The following PPEF2 variants were observed in gnomAD, a reference collection of about 807,000 sequenced individuals.
PPEF2 encodes protein phosphatase with EF-hand domain 2.
PPEF2 carries 84 observed loss-of-function variants against 84.7 expected under a neutral mutation model. The ratio of observed to expected loss-of-function variants is 0.99; its 90% CI spans 0.83 to 1.19. The LOEUF (loss-of-function observed/expected upper bound fraction) is 1.19, where lower values mean the gene tolerates loss of function less well. Ranked by LOEUF, PPEF2 falls within the 50% of genes most tolerant of loss-of-function variation. The probability of loss-of-function intolerance (pLI) is 0.00; values close to 1 mark genes in which losing one functional copy is unlikely to be tolerated. For missense variants in PPEF2, 924 were observed against 937.5 expected (o/e 0.99, Z 0.19); for synonymous variants, 346 against 345.2 (o/e 1.00, Z -0.03).
intron 13 of PPEF2, among the ~76,000 whole-genome samples, chr4:75,868,930 G>A (rs972555240): frequency 4.6e-5 from 7 of 152,180 alleles, no homozygotes; most frequent in Non-Finnish European, 8.8e-5. Context: ...GATTGCTTGA[G>A]CCCAGGAGTT....
At chr4:75,881,502 C>A in intron 10 of PPEF2, 1 of 152,344 alleles carries the variant, frequency 6.6e-6, no homozygotes, top group South Asian at 2.1e-4. Flanking sequence ...CCCAGGAGGT[C>A]AAGGCTGCAG....
intron 4 of PPEF2, 58 bp from the exon 5 acceptor site, chr4:75,890,190 G>C: frequency 6.3e-7 from 1 of 1,589,398 alleles, no homozygotes; most frequent in Non-Finnish European, 8.6e-7. Context: ...CAGTCTGTGG[G>C]CACTATAGAA....
At chr4:75,862,775 A>G (rs571110066) in intron 16 of PPEF2, among the ~76,000 whole-genome samples, 50 of 152,318 alleles carry the variant, frequency 3.3e-4, no homozygotes, top group African/African-American at 1.2e-3. Context: ...GAATCACCAT[A>G]TGACCAGGCA....
At chr4:75,885,946 T>G (rs996699007) in intron 7 of PPEF2, among the ~76,000 whole-genome samples, 1 of 151,498 alleles carries the variant, frequency 6.6e-6, no homozygotes. Context: ...GACGCGGAGG[T>G]TGCAGTGAGC....
At chr4:75,881,102 A>ATT (rs33943154) in intron 10 of PPEF2, among the ~76,000 whole-genome samples, 52,189 of 138,104 alleles carry the variant, frequency 0.38, 10,909 homozygotes, top group Non-Finnish European at 0.47. Flanking sequence ...ATCCAGCATA[A>ATT]TTTTTTTTTT....
intron 5 of PPEF2, among the ~76,000 whole-genome samples, chr4:75,889,697 G>A (rs558626046): frequency 3.3e-5 from 5 of 152,152 alleles, no homozygotes; most frequent in Non-Finnish European, 7.3e-5. Context: ...AGCAATGTGG[G>A]GCACACAGCA....
chr4:75,878,834 A>C (rs577079084), intron 10 of PPEF2, among the ~76,000 whole-genome samples: 1 of 152,296 alleles, frequency 6.6e-6, no homozygotes, highest in African/African-American at 2.4e-5. Context: ...GCTGGAGTGC[A>C]GTGGTGCGAT....
intron 12 of PPEF2, 139 bp downstream of exon 12, chr4:75,872,988 T>G: frequency 1.3e-6 from 1 of 764,186 alleles, no homozygotes; most frequent in Non-Finnish European, 2.1e-6. Context: ...GTAAAGGACC[T>G]AGTTGCTTTG....
intron 11 of PPEF2, among the ~76,000 whole-genome samples, chr4:75,875,066 T>C (rs943144220): frequency 3.9e-5 from 6 of 152,044 alleles, no homozygotes; most frequent in Admixed American, 1.3e-4. Flanking sequence ...CATGCCTGGC[T>C]AATTTTTTTT....
At chr4:75,861,687 A>G (rs1262121719) in intron 16 of PPEF2, among the ~76,000 whole-genome samples, 18 of 133,168 alleles carry the variant, frequency 1.4e-4, no homozygotes, top group Admixed American at 5.1e-4. Context: ...TCAGCTCACT[A>G]CAAGCTCTGC....
chr4:75,888,794 A>G (rs1262278351), intron 5 of PPEF2, among the ~76,000 whole-genome samples: 1 of 152,240 alleles, frequency 6.6e-6, no homozygotes, highest in Non-Finnish European at 1.5e-5. Flanking sequence ...CTACCCTACC[A>G]TCAGAGTTCC....
At chr4:75,882,839 G>A (rs777213140) in intron 10 of PPEF2, 87 bp downstream of exon 10, 9 of 1,417,790 alleles carry the variant, frequency 6.3e-6, no homozygotes, top group Non-Finnish European at 8.7e-6. Flanking sequence ...ATAATCAGTT[G>A]ACTGCAGTCA....
rs752651926 is a variant in PPEF2, at chr4:75,890,110, G to T, written c.264C>A (p.Phe88Leu). Residue 88 changes from phenylalanine (F) to leucine (L), a missense_variant, in exon 5 of 17, where the codon TTC (phenylalanine) becomes TTA (leucine). By Grantham distance (22) the Phe-to-Leu change is conservative. Coordinates refer to ENST00000286719, the MANE Select transcript of PPEF2 (RefSeq NM_006239.3). ...HNDRDFLTRI[F>L]TEDRFAQDSE... ...AGTCCTGGGCGAATCTGTCCTCAGTGAATATGCGGGTCAGGAAGTCCCCTA... is the reference window on the plus strand; with the variant it reads ...AGTCCTGGGCGAATCTGTCCTCAGTTAATATGCGGGTCAGGAAGTCCCCTA... 6.2e-7 allele frequency: 1 copy of T among 1,614,040 alleles called. No homozygotes were observed. Among genetic ancestry groups the T allele is most frequent in the Non-Finnish European group, 8.5e-7 (1 of 1,180,004 alleles).
At chr4:75,888,630 G>GAC in intron 5 of PPEF2, among the ~76,000 whole-genome samples, 1 of 152,282 alleles carries the variant, frequency 6.6e-6, no homozygotes, top group Non-Finnish European at 1.5e-5. Flanking sequence ...TTTCAGTAAA[G>GAC]TATGACTAAG....
chr4:75,862,016 T>A (rs941969986), intron 16 of PPEF2, among the ~76,000 whole-genome samples: 2 of 150,814 alleles, frequency 1.3e-5, no homozygotes, highest in Non-Finnish European at 3.0e-5. Flanking sequence ...GGTATCAGGC[T>A]GGTCGCAGTG....
At chr4:75,900,372 A>G (rs1725093593) in intron 1 of PPEF2, among the ~76,000 whole-genome samples, 1 of 152,234 alleles carries the variant, frequency 6.6e-6, no homozygotes, top group Non-Finnish European at 1.5e-5. Flanking sequence ...CCAATAAACT[A>G]TTTAGAACAA....
intron 7 of PPEF2, among the ~76,000 whole-genome samples, chr4:75,885,270 TTTTC>T (rs1482930831): frequency 6.6e-6 from 1 of 152,170 alleles, no homozygotes; most frequent in Non-Finnish European, 1.5e-5. Context: ...TAATAATCAG[TTTTC>T]TTTATGTGAA....
rs1240040992 is a variant in PPEF2 at position 75,882,797 on chromosome 4, TACTCTTAATGGCCTCCAC to T, written c.933+111_933+128del. Reference sequence around the variant, plus strand: ...TGTGAGACACTGTGCCCAGCCTCCATACTCTTAATGGCCTCCACACTCTTAACAGCCATAATCAGTTGA... The same window carrying T: ...TGTGAGACACTGTGCCCAGCCTCCATACTCTTAACAGCCATAATCAGTTGA... On this transcript the variant is annotated intron_variant, in intron 10 of 16. Transcript: ENST00000286719. 10 of 1,013,428 alleles carry T rather than the reference TACTCTTAATGGCCTCCAC, an allele frequency of 9.9e-6. No homozygotes were observed. In the African/African-American group the frequency reaches 1.4e-4, roughly 15 times the overall value. 62.8% of individuals were successfully genotyped at this position (1,013,428 alleles called of 1,614,324 possible).
At chr4:75,871,467 T>C (rs1482503154) in intron 13 of PPEF2, among the ~76,000 whole-genome samples, 1 of 152,002 alleles carries the variant, frequency 6.6e-6, no homozygotes, top group Non-Finnish European at 1.5e-5. Flanking sequence ...TTCTTCTTCT[T>C]CTTTTTGTTT....
Sources: gnomAD v4.1 joint callset for allele counts (sites outside exome capture counted in the v4.1 genomes callset) on GRCh38, gnomAD v4.1.1 for gene constraint, MANE v1.5 for transcripts, NCBI Gene and HGNC (gene_info 2026-07-23, HGNC 2026-07-21) for gene names.